PPP2CA: variants seen among roughly 807,000 people sequenced by gnomAD.
The protein encoded by PPP2CA is serine/threonine-protein phosphatase 2A catalytic subunit alpha isoform.
A neutral mutation model predicts 38.8 loss-of-function variants in PPP2CA; 5 were observed. The observed-to-expected ratio is 0.13, with a 90% CI of 0.07 to 0.27. PPP2CA has a LOEUF of 0.27. Ranked by LOEUF, PPP2CA falls within the 10% of genes least tolerant of loss-of-function variation. The pLI is 1.00. For missense variants in PPP2CA, 88 were observed against 389.7 expected, an observed-to-expected ratio of 0.23 and a Z score of 6.52; for synonymous variants, 152 against 134.0, an observed-to-expected ratio of 1.13 and a Z score of -0.93.
intron 1 of PPP2CA, among the ~76,000 whole-genome samples, chr5:134,225,002 G>A (rs1306889438): frequency 6.6e-6 from 1 of 152,214 alleles, no homozygotes; most frequent in Non-Finnish European, 1.5e-5. Context: ...GTTAAGCTTA[G>A]AGAAGGCTTT....
rs568062061 is a variant in PPP2CA at position 134,200,305 on chromosome 5, A to G, written c.738+30T>C. 247 of 1,562,580 alleles carry G rather than the reference A, an allele frequency of 1.6e-4. No homozygotes were observed. The South Asian group carries it at 2.9e-3, about 18-fold the overall frequency. ...TTCTTTCCTTAAGTTTACTAAAAAA[A>G]CAAGTCATATTTCAGAGAACACAGC... On this transcript the variant is annotated intron_variant, in intron 5 of 6. Transcript: ENST00000481195.
chr5:134,208,170 A>G (rs544697293), intron 1 of PPP2CA, among the ~76,000 whole-genome samples: 2 of 152,318 alleles, frequency 1.3e-5, no homozygotes, highest in African/African-American at 4.8e-5. Context: ...CCATGATGTA[A>G]TTTTCACATT....
rs1289587193 is a variant in PPP2CA, at chr5:134,197,001, C to A, written c.*771G>T. On this transcript the variant is annotated 3_prime_UTR_variant, in exon 7 of 7. Transcript: ENST00000481195. ...CTTGATTTTTATTTTACCTACAAGT[C>A]TACAAATTCTAAAATTTACTCAATT... 1 of 152,582 alleles carries A rather than the reference C, an allele frequency of 6.6e-6. No homozygotes were observed. The highest frequency in any genetic ancestry group is 2.4e-5 in the African/African-American group (1 of 41,440). 9.5% of individuals were successfully genotyped at this position (152,582 alleles called of 1,614,324 possible).
At chr5:134,225,653 G>A (rs879188401) in intron 1 of PPP2CA, 107 bp downstream of exon 1, 7 of 981,778 alleles carry the variant, frequency 7.1e-6, no homozygotes, top group African/African-American at 3.4e-5. Flanking sequence ...CGGAGACTCG[G>A]GGGGCCCGGA....
intron 2 of PPP2CA, 182 bp downstream of exon 2, chr5:134,205,740 T>G: frequency 3.5e-6 from 2 of 564,206 alleles, no homozygotes; most frequent in Admixed American, 3.1e-5. Flanking sequence ...TTTGATTCTG[T>G]ACCATCCCCT....
chr5:134,201,890 A>G lies in PPP2CA; in HGVS notation c.444T>C (p.Asp148=). The G allele has an allele frequency of 6.2e-7, 1 of 1,613,954 alleles. No individual in the cohort carries two copies. Among genetic ancestry groups the G allele is most frequent in the Non-Finnish European group, 8.5e-7 (1 of 1,179,954 alleles). ...CAGTGAGAGGAAGATAGTCAAAAAG[A>G]TCTGTAAAATATTTCCAAACATTTG... ...GNANVWKYFT[D]LFDYLPLTAL... Residue 148 remains aspartate (D), a synonymous_variant, in exon 3 of 7, where the codon GAT becomes GAC. Transcript: ENST00000481195.
intron 1 of PPP2CA, among the ~76,000 whole-genome samples, chr5:134,223,925 C>G (rs1479540871): frequency 6.6e-6 from 1 of 152,200 alleles, no homozygotes; most frequent in South Asian, 2.1e-4. Context: ...ACTGTATAAT[C>G]TCAGAACACA....
At chr5:134,211,027 A>G (rs1245330811) in intron 1 of PPP2CA, among the ~76,000 whole-genome samples, 5 of 152,178 alleles carry the variant, frequency 3.3e-5, no homozygotes, top group Non-Finnish European at 7.4e-5. Flanking sequence ...TTAACATCTC[A>G]TACTGTCCTA....
intron 1 of PPP2CA, among the ~76,000 whole-genome samples, chr5:134,212,532 T>C (rs1369762182): frequency 1.3e-5 from 2 of 152,170 alleles, no homozygotes; most frequent in East Asian, 1.9e-4. Context: ...AGACACAATA[T>C]TGAAATTAGG....
rs999478511 is a variant in PPP2CA at position 134,219,888 on chromosome 5, G to A, written c.102+5872C>T. ...TAGCTAGGCATGGTGGCACATGCCT[G>A]TAATCCCAGCTACTCAGGAGGCTGA... On this transcript the variant is annotated intron_variant, in intron 1 of 6. Coordinates refer to ENST00000481195, the MANE Select transcript of PPP2CA (RefSeq NM_002715.4). Among the ~76,000 whole-genome samples the A allele has an allele frequency of 5.3e-5, 8 of 151,420 alleles. No individual in the cohort carries two copies. The South Asian group carries it at 1.7e-3, about 32-fold the overall frequency.
chr5:134,215,307 C>T (rs1161332217), intron 1 of PPP2CA, among the ~76,000 whole-genome samples: 3 of 152,050 alleles, frequency 2.0e-5, no homozygotes, highest in Non-Finnish European at 4.4e-5. Flanking sequence ...CAGTGGCTCA[C>T]GCCTGTAATC....
intron 1 of PPP2CA, among the ~76,000 whole-genome samples, chr5:134,217,781 G>A (rs991394362): frequency 3.9e-5 from 6 of 152,216 alleles, no homozygotes; most frequent in East Asian, 1.9e-4. Flanking sequence ...TTGCTTAATC[G>A]CAGGGATACA....
At chr5:134,202,968 A>G (rs1762000898) in intron 2 of PPP2CA, among the ~76,000 whole-genome samples, 2 of 152,232 alleles carry the variant, frequency 1.3e-5, no homozygotes, top group Admixed American at 1.3e-4. Context: ...TTCCCTGATT[A>G]CAATTGATAT....
At chr5:134,221,498 G>T (rs562264705) in intron 1 of PPP2CA, among the ~76,000 whole-genome samples, 1 of 152,252 alleles carries the variant, frequency 6.6e-6, no homozygotes, top group South Asian at 2.1e-4. Context: ...TCAGTCTCTG[G>T]ATCATGATTT....
At chr5:134,198,367 T>C (rs932189661) in intron 6 of PPP2CA, among the ~76,000 whole-genome samples, 2 of 149,552 alleles carry the variant, frequency 1.3e-5, no homozygotes, top group Non-Finnish European at 3.0e-5. Flanking sequence ...CACTCCAGCC[T>C]GGGTGACAGA....
chr5:134,218,550 T>C (rs955110443), intron 1 of PPP2CA, among the ~76,000 whole-genome samples: 1 of 152,204 alleles, frequency 6.6e-6, no homozygotes, highest in African/African-American at 2.4e-5. Flanking sequence ...AATGCTGCTA[T>C]ATATCTACTT....
chr5:134,204,308 A>C (rs7705270), intron 2 of PPP2CA, among the ~76,000 whole-genome samples: 105,685 of 152,150 alleles, frequency 0.69, 37,936 homozygotes, highest in Non-Finnish European at 0.81. Flanking sequence ...CAATTTATTT[A>C]AAGGGAAAGG....
chr5:134,200,188 T>A (rs1343079397), intron 5 of PPP2CA, 147 bp downstream of exon 5: 2 of 779,996 alleles, frequency 2.6e-6, no homozygotes, highest in African/African-American at 1.8e-5. Context: ...AGTGTGCATC[T>A]ACTGAAAAGG....
At chr5:134,206,864 T>G (rs915320857) in intron 1 of PPP2CA, among the ~76,000 whole-genome samples, 1 of 152,208 alleles carries the variant, frequency 6.6e-6, no homozygotes, top group African/African-American at 2.4e-5. Context: ...ACTGGACATA[T>G]AGTGGTGAAC....
Sources: gnomAD v4.1 joint callset for allele counts (sites outside exome capture counted in the v4.1 genomes callset) on GRCh38, gnomAD v4.1.1 for gene constraint, MANE v1.5 for transcripts, NCBI Gene and HGNC (gene_info 2026-07-23, HGNC 2026-07-21) for gene names.